The following CHI3L2 variants were observed in gnomAD, a reference collection of about 807,000 sequenced individuals.
CHI3L2 encodes chitinase 3 like 2.
Under a neutral mutation model 47.3 loss-of-function variants are expected in CHI3L2, and 47 were observed. The ratio of observed to expected loss-of-function variants is 0.99; its 90% CI spans 0.79 to 1.27. The LOEUF (loss-of-function observed/expected upper bound fraction) is 1.27, where lower values mean the gene tolerates loss of function less well. Among genes scored for constraint, CHI3L2 ranks in the 50% most tolerant of loss-of-function variants. The pLI is 0.00. For missense variants in CHI3L2, 497 were observed against 462.1 expected (o/e 1.08, Z -0.69); for synonymous variants, 198 against 169.9 (o/e 1.17, Z -1.28).
At position 111,242,715 on chromosome 1, in the gene CHI3L2, A is replaced by T. The variant is rs1660097594; in HGVS notation, c.*2+349A>T. 2.3e-5 allele frequency: 4 copies of T among 176,198 alleles called. No individual in the cohort carries two copies. The South Asian group carries it at 5.7e-4, about 25-fold the overall frequency. 10.9% of individuals were successfully genotyped at this position (176,198 alleles called of 1,614,324 possible). A position where few individuals can be genotyped will look rare whatever the true frequency, so the allele number is the denominator to read the frequency against. On this transcript the variant is annotated intron_variant, in intron 10 of 10. Transcript: ENST00000369748. ...AATTTTCTAAATCACAATAAATCTG[A>T]CTCTATGTCCTCAATTCACTGGACT...
rs564901964 is a variant in CHI3L2, at chr1:111,234,129, A to T, written c.330-778A>T. 7.0e-3 allele frequency among the ~76,000 whole-genome samples: 1,039 copies of T among 148,880 alleles called. 6 individuals are homozygous for T. The highest frequency in any genetic ancestry group is 0.024 in the African/African-American group (958 of 40,582). ...TTGTTTATCTGCTGACCTTCCCTCC[A>T]CTATTGTCCTATGACCCTGCCAAAT... On this transcript the variant is annotated intron_variant, in intron 4 of 10. Coordinates refer to ENST00000369748, the MANE Select transcript of CHI3L2 (RefSeq NM_004000.3).
chr1:111,238,639 G>A, intron 7 of CHI3L2, 111 bp from the exon 8 acceptor site: 1 of 1,120,994 alleles, frequency 8.9e-7, no homozygotes, highest in Non-Finnish European at 1.3e-6. Flanking sequence ...ACACTCGGAT[G>A]TAGAAAAGAA....
intron 9 of CHI3L2, among the ~76,000 whole-genome samples, 193 bp downstream of exon 9, chr1:111,241,636 A>C (rs1287950687): frequency 6.6e-6 from 1 of 152,224 alleles, no homozygotes; most frequent in Non-Finnish European, 1.5e-5. Flanking sequence ...CAGGTAGAAG[A>C]GTTGGAAAGG....
At chr1:111,229,047 C>A (rs1659611375) in intron 1 of CHI3L2, among the ~76,000 whole-genome samples, 1 of 152,196 alleles carries the variant, frequency 6.6e-6, no homozygotes, top group South Asian at 2.1e-4. Flanking sequence ...GTGGGACCAT[C>A]TCAATTTGCC....
chr1:111,230,278 G>T (rs1170188689), intron 2 of CHI3L2, among the ~76,000 whole-genome samples: 1 of 151,884 alleles, frequency 6.6e-6, no homozygotes, highest in Non-Finnish European at 1.5e-5. Context: ...TTTTGAGACA[G>T]GGTCTCACTG....
In CHI3L2 at chr1:111,241,335, G is replaced by C. The variant is rs770281049; in HGVS notation, c.927G>C (p.Gln309His). The C allele has an allele frequency of 6.4e-7, 1 of 1,569,898 alleles. No homozygotes were observed. The highest frequency in any genetic ancestry group is 8.8e-7 in the Non-Finnish European group (1 of 1,139,146). Reference protein sequence around the residue: ...SGFLAYYEICQFLKGAKITRL... With the variant: ...SGFLAYYEICHFLKGAKITRL... ...TCCCTTTCCCCTGCCAGATCTGCCA[G>C]TTCCTGAAAGGAGCCAAGATCACGC... The change falls in exon 9 of 11, where the codon CAG becomes CAC. Residue 309 changes from glutamine to histidine, a missense_variant. Gln to His is a conservative substitution (Grantham distance 24). Transcript: ENST00000369748.
At chr1:111,231,156 C>G in intron 3 of CHI3L2, 82 bp from the exon 4 acceptor site, 1 of 1,261,250 alleles carries the variant, frequency 7.9e-7, no homozygotes, top group Non-Finnish European at 1.1e-6. Context: ...TCCATTTTCT[C>G]TACACTTAAG....
At chr1:111,242,063 C>G (rs992358479) in intron 9 of CHI3L2, among the ~76,000 whole-genome samples, 164 bp from the exon 10 acceptor site, 2 of 152,172 alleles carry the variant, frequency 1.3e-5, no homozygotes, top group African/African-American at 4.8e-5. Context: ...TTTGGTGGCT[C>G]TCTCTCCCTG....
rs774479360 is a variant in CHI3L2 at position 111,229,886 on chromosome 1, G to A, written c.70+5G>A. ...TCTTGCTGCTTCTCCAGGGAGGTAAGTAGTCAATAAGTCACTACCGCCTGG... is the reference window on the plus strand; with the variant it reads ...TCTTGCTGCTTCTCCAGGGAGGTAAATAGTCAATAAGTCACTACCGCCTGG... On this transcript the variant is annotated splice_donor_5th_base_variant and intron_variant, in intron 2 of 10. Transcript: ENST00000369748. 1.2e-6 allele frequency: 2 copies of A among 1,613,838 alleles called. No homozygotes were observed. Among genetic ancestry groups the A allele is most frequent in the East Asian group, 4.5e-5 (2 of 44,878 alleles).
intron 4 of CHI3L2, 102 bp from the exon 5 acceptor site, chr1:111,234,805 T>C: frequency 4.7e-6 from 5 of 1,062,014 alleles, no homozygotes; most frequent in Non-Finnish European, 7.0e-6. Context: ...TGTAAGTGAA[T>C]ATTGGGGAAG....
chr1:111,234,800 G>A (rs1490037991), intron 4 of CHI3L2, 107 bp from the exon 5 acceptor site: 6 of 1,030,746 alleles, frequency 5.8e-6, no homozygotes, highest in Admixed American at 2.1e-5. Context: ...CAAATTGTAA[G>A]TGAATATTGG....
chr1:111,241,195 C>A, intron 8 of CHI3L2, 132 bp from the exon 9 acceptor site: 1 of 733,100 alleles, frequency 1.4e-6, no homozygotes, highest in Non-Finnish European at 2.5e-6. Flanking sequence ...TCATTTCTCT[C>A]ATTGTCTGAT....
Position 111,243,254 on chromosome 1 carries a change from G to GC in CHI3L2, c.*42dup, listed in dbSNP as rs932220971. On this transcript the variant is annotated 3_prime_UTR_variant, in exon 11 of 11. Transcript: ENST00000369748. ...GAGAAGCAGGCAAGATGACCTTGCT[G>GC]CCTGGGGCCTGCTCTCTCCCAGGAA... is the stretch of plus-strand genomic sequence containing the variant. 1 of 455,926 alleles carries GC rather than the reference G, an allele frequency of 2.2e-6. No homozygotes were observed. Among genetic ancestry groups the GC allele is most frequent in the African/African-American group, 2.0e-5 (1 of 50,058 alleles). 28.2% of individuals were successfully genotyped at this position (455,926 alleles called of 1,614,324 possible). A position where few individuals can be genotyped will look rare whatever the true frequency, so the allele number is the denominator to read the frequency against.
At position 111,242,331 on chromosome 1, in the gene CHI3L2, C is replaced by A; in HGVS notation, c.1140C>A (p.Val380=). ...KSCNQGPYPL[V]QAVKRSLGSL is the part of the protein sequence containing the mutation. ...GCAACCAGGGCCCTTACCCTCTTGT[C>A]CAAGCAGTCAAGAGAAGCCTTGGCT... The change falls in exon 10 of 11, where the codon GTC becomes GTA. Residue 380 remains valine (V), a synonymous_variant. Coordinates refer to ENST00000369748, the MANE Select transcript of CHI3L2 (RefSeq NM_004000.3). The A allele has an allele frequency of 2.5e-6, 4 of 1,612,900 alleles. No homozygotes were observed. The South Asian group carries it at 4.4e-5, about 18-fold the overall frequency.
At chr1:111,240,601 T>G (rs12405681) in intron 8 of CHI3L2, among the ~76,000 whole-genome samples, 2 of 152,246 alleles carry the variant, frequency 1.3e-5, no homozygotes, top group Admixed American at 1.3e-4. Flanking sequence ...AGGTTGATAT[T>G]TGCTTAAATA....
chr1:111,234,104 T>C (rs1557708406), intron 4 of CHI3L2, among the ~76,000 whole-genome samples: 1 of 150,278 alleles, frequency 6.7e-6, no homozygotes. Context: ...CTTTGTTCAC[T>C]TGTTTATCTG....
intron 7 of CHI3L2, 22 bp downstream of exon 7, chr1:111,236,175 C>A (rs771937399): frequency 1.2e-6 from 2 of 1,613,324 alleles, no homozygotes; most frequent in Non-Finnish European, 1.7e-6. Context: ...AGGGGAACCG[C>A]AGGGGTACTG....
At position 111,242,251 on chromosome 1, in the gene CHI3L2, C is replaced by G; in HGVS notation, c.1060C>G (p.Leu354Val). The change falls in exon 10 of 11, where the codon CTG becomes GTG. Residue 354 changes from leucine (L) to valine (V), a missense_variant. Leu to Val is a conservative substitution (Grantham distance 32). Transcript: ENST00000369748. The stretch of plus-strand genomic sequence containing the variant: ...GGTTCAGTTCTTAAAGAATTTAAAC[C>G]TGGGAGGAGCCATGATCTGGTCTAT... Reference protein sequence around the residue: ...TKVQFLKNLNLGGAMIWSIDM... With the variant: ...TKVQFLKNLNVGGAMIWSIDM... The G allele has an allele frequency of 6.2e-7, 1 of 1,614,098 alleles. No individual in the cohort carries two copies. The highest frequency in any genetic ancestry group is 8.5e-7 in the Non-Finnish European group (1 of 1,179,996).
chr1:111,229,532 A>G (rs1403041435), intron 1 of CHI3L2, among the ~76,000 whole-genome samples: 1 of 149,742 alleles, frequency 6.7e-6, no homozygotes. Flanking sequence ...AATACAAAAA[A>G]TTAGCCGGGC....
Sources: allele counts gnomAD v4.1 joint callset (sites outside exome capture counted in the v4.1 genomes callset), GRCh38; gene constraint gnomAD v4.1.1; transcripts MANE v1.5; gene names NCBI Gene and HGNC (gene_info 2026-07-23, HGNC 2026-07-21).